MYCBP2: variants seen among roughly 807,000 people sequenced by gnomAD.
The protein encoded by MYCBP2 is E3 ubiquitin-protein ligase MYCBP2.
A neutral mutation model predicts 525.3 loss-of-function variants in MYCBP2; 120 were observed. The ratio of observed to expected loss-of-function variants is 0.23; its 90% CI spans 0.20 to 0.27. MYCBP2 has a LOEUF of 0.27. Ranked by LOEUF, MYCBP2 falls within the 10% of genes least tolerant of loss-of-function variation. The pLI is 1.00. For synonymous variants in MYCBP2, 1,894 were observed against 1,955.8 expected, an observed-to-expected ratio of 0.97 and a Z score of 0.83; for missense variants, 4,149 against 5,657.1, an observed-to-expected ratio of 0.73 and a Z score of 8.55.
chr13:77,077,524 G>T, intron 66 of MYCBP2, 137 bp from the exon 67 acceptor site: 1 of 1,025,184 alleles, frequency 9.8e-7, no homozygotes, highest in South Asian at 1.6e-5. Context: ...ATTTCACACT[G>T]ATTTTCTTAT....
At chr13:77,302,460 T>C (rs896081030) in intron 1 of MYCBP2, among the ~76,000 whole-genome samples, 2 of 152,032 alleles carry the variant, frequency 1.3e-5, no homozygotes, top group African/African-American at 4.8e-5. Flanking sequence ...CCTTTAAGAA[T>C]GTATCTTTTA....
At chr13:77,105,983 C>T (rs2047791663) in intron 55 of MYCBP2, among the ~76,000 whole-genome samples, 1 of 152,042 alleles carries the variant, frequency 6.6e-6, no homozygotes, top group South Asian at 2.1e-4. Flanking sequence ...CTTTTTAAGT[C>T]TTCTCTAAGT....
intron 52 of MYCBP2, among the ~76,000 whole-genome samples, chr13:77,138,626 G>C (rs182815893): frequency 6.6e-6 from 1 of 152,180 alleles, no homozygotes; most frequent in African/African-American, 2.4e-5. Context: ...GTGAACACTG[G>C]CTCTATTCTA....
chr13:77,045,576 T>C, intron 82 of MYCBP2, 83 bp from the exon 83 acceptor site: 1 of 811,340 alleles, frequency 1.2e-6, no homozygotes. Flanking sequence ...AAATCACTGA[T>C]AGGTTATTCA....
chr13:77,326,002 G>A lies in MYCBP2; in HGVS notation c.302+472C>T, dbSNP rs1461407726. On this transcript the variant is annotated intron_variant, in intron 1 of 82. Transcript: ENST00000544440. This position sits in a 1 kb window ranked among gnomAD's most constrained non-coding sequence, Gnocchi z 4.2. Reference sequence around the variant, plus strand: ...GATTGAAGGGAGGTGGAAAGGGCTGGAAGGAATGTCATGGGAGAGGCGGCA... The same window carrying A: ...GATTGAAGGGAGGTGGAAAGGGCTGAAAGGAATGTCATGGGAGAGGCGGCA... 6.6e-6 allele frequency among the ~76,000 whole-genome samples: 1 copy of A among 152,124 alleles called. No individual in the cohort carries two copies. Among genetic ancestry groups the A allele is most frequent in the African/African-American group, 2.4e-5 (1 of 41,414 alleles).
intron 3 of MYCBP2, among the ~76,000 whole-genome samples, chr13:77,284,061 C>T (rs2076481905): frequency 1.3e-5 from 2 of 151,712 alleles, no homozygotes; most frequent in African/African-American, 4.8e-5. Flanking sequence ...ATTACTGATC[C>T]GCAAAACACA....
chr13:77,119,945 CT>C (rs1353299290), intron 55 of MYCBP2, among the ~76,000 whole-genome samples: 2 of 152,080 alleles, frequency 1.3e-5, no homozygotes, highest in Non-Finnish European at 2.9e-5. Flanking sequence ...AAAAGTAATA[CT>C]TTATTATTTG....
chr13:77,142,174 C>G (rs1182367623), intron 49 of MYCBP2, among the ~76,000 whole-genome samples: 1 of 152,108 alleles, frequency 6.6e-6, no homozygotes, highest in Non-Finnish European at 1.5e-5. Context: ...TTTCTACTTT[C>G]GAATTCCTAC....
chr13:77,096,183 T>C (rs1336821108), intron 57 of MYCBP2, 129 bp downstream of exon 57: 1 of 967,790 alleles, frequency 1.0e-6, no homozygotes, highest in African/African-American at 1.7e-5. Context: ...TGTATATGAT[T>C]TCCATTATAA....
Position 77,210,942 on chromosome 13 carries a change from T to C in MYCBP2, c.3416+225A>G, listed in dbSNP as rs375138500. 8.5e-4 allele frequency among the ~76,000 whole-genome samples: 129 copies of C among 152,318 alleles called. 2 individuals are homozygous for C. In the South Asian group the frequency reaches 0.026, roughly 31 times the overall value. On this transcript the variant is annotated intron_variant, in intron 23 of 82. Coordinates refer to ENST00000544440, the MANE Select transcript of MYCBP2 (RefSeq NM_015057.5). ...TCTCCAGGGTGACACAGAAAGCAAG[T>C]TGTGGAGCTGGGATAAACCTAGGTA...
intron 18 of MYCBP2, among the ~76,000 whole-genome samples, chr13:77,232,203 AC>A (rs2154301650): frequency 6.6e-6 from 1 of 152,250 alleles, no homozygotes; most frequent in East Asian, 1.9e-4. Flanking sequence ...TTAGACTATG[AC>A]AATTTTGCAG....
chr13:77,261,052 A>G lies in MYCBP2; in HGVS notation c.1852+119T>C, dbSNP rs981091675. 1.7e-5 allele frequency: 12 copies of G among 700,612 alleles called. No individual in the cohort carries two copies. The African/African-American group carries it at 2.2e-4, about 13-fold the overall frequency. 43.4% of individuals were successfully genotyped at this position (700,612 alleles called of 1,614,324 possible). On this transcript the variant is annotated intron_variant, in intron 12 of 82. Transcript: ENST00000544440. ...TAAGCAGTTACATCAAGTCAATGAT[A>G]TATATATAAAGTTGGTGTGGTGTTA...
In MYCBP2 at chr13:77,103,831, T is replaced by A. The variant is rs149038537; in HGVS notation, c.8141-4818A>T. On this transcript the variant is annotated intron_variant, in intron 55 of 82. Coordinates refer to ENST00000544440, the MANE Select transcript of MYCBP2 (RefSeq NM_015057.5). Reference sequence around the variant, plus strand: ...GTGTTTGGCTACTTTTCTGGGTCCATCTTCAGTGAAAACGTTAGTACTAAC... The same window carrying A: ...GTGTTTGGCTACTTTTCTGGGTCCAACTTCAGTGAAAACGTTAGTACTAAC... 1.9e-3 allele frequency among the ~76,000 whole-genome samples: 289 copies of A among 152,206 alleles called. 1 individual carries two copies. The highest frequency in any genetic ancestry group is 6.6e-3 in the African/African-American group (273 of 41,566).
chr13:77,130,441 A>C (rs529955710), intron 52 of MYCBP2, among the ~76,000 whole-genome samples: 1 of 151,930 alleles, frequency 6.6e-6, no homozygotes, highest in Non-Finnish European at 1.5e-5. Context: ...ATATATGTAC[A>C]GATGAATGTG....
At chr13:77,191,964 G>A in intron 27 of MYCBP2, 151 bp from the exon 28 acceptor site, 1 of 706,152 alleles carries the variant, frequency 1.4e-6, no homozygotes, top group Non-Finnish European at 2.3e-6. Flanking sequence ...TAAGAAGTCT[G>A]GACAAGAATG....
At chr13:77,096,835 G>A (rs942668445) in intron 56 of MYCBP2, among the ~76,000 whole-genome samples, 1 of 151,990 alleles carries the variant, frequency 6.6e-6, no homozygotes, top group African/African-American at 2.4e-5. Context: ...ATATTCATAA[G>A]ACATTTGAGG....
At chr13:77,185,748 C>T in intron 31 of MYCBP2, 123 bp downstream of exon 31, 1 of 667,964 alleles carries the variant, frequency 1.5e-6, no homozygotes. Context: ...TGACTTTCTC[C>T]CCTCATTTTA....
intron 15 of MYCBP2, among the ~76,000 whole-genome samples, chr13:77,245,728 T>C (rs373637205): frequency 7.2e-6 from 1 of 138,254 alleles, no homozygotes; most frequent in African/African-American, 2.7e-5. Context: ...TGCACATGTA[T>C]CCCAGAACGT....
intron 14 of MYCBP2, among the ~76,000 whole-genome samples, chr13:77,252,613 A>G (rs1412920493): frequency 6.6e-6 from 1 of 152,134 alleles, no homozygotes; most frequent in African/African-American, 2.4e-5. Flanking sequence ...TTCTTAGTCA[A>G]TCTTATTCTC....
Sources: allele counts gnomAD v4.1 joint callset (sites outside exome capture counted in the v4.1 genomes callset), GRCh38; gene constraint gnomAD v4.1.1; non-coding constraint Gnocchi (gnomAD v3.1); transcripts MANE v1.5; gene names NCBI Gene and HGNC (gene_info 2026-07-23, HGNC 2026-07-21).